Variants in GALC observed in about 807,000 individuals in gnomAD.
GALC encodes the protein galactosylceramidase.
Under a neutral mutation model 91.8 loss-of-function variants are expected in GALC, and 77 were observed. The ratio of observed to expected loss-of-function variants is 0.84; its 90% confidence interval spans 0.70 to 1.01. The LOEUF (loss-of-function observed/expected upper bound fraction) is 1.01. Among genes scored for constraint, GALC ranks in the 50% least tolerant of loss-of-function variants. The probability of loss-of-function intolerance (pLI) is 0.00; values close to 1 mark genes in which losing one functional copy is unlikely to be tolerated. For synonymous variants in GALC, 357 were observed against 306.7 expected, an observed-to-expected ratio of 1.16 and a Z score of -1.71; for missense variants, 882 against 855.9, an observed-to-expected ratio of 1.03 and a Z score of -0.38.
intron 12 of GALC, 46 bp downstream of exon 12, chr14:87,949,799 T>G (rs779283859): frequency 1.1e-6 from 1 of 926,848 alleles, no homozygotes; most frequent in Non-Finnish European, 1.8e-6. Flanking sequence ...CTTTTACTGT[T>G]TTACTGTTGG....
chr14:87,947,439 CAA>C (rs1343482208), intron 13 of GALC, among the ~76,000 whole-genome samples: 4 of 152,074 alleles, frequency 2.6e-5, no homozygotes, highest in African/African-American at 7.2e-5. Context: ...GGGGCAGTAG[CAA>C]AGTTACAAAG....
At chr14:87,955,273 A>C (rs964119130) in intron 10 of GALC, 5 of 749,776 alleles carry the variant, frequency 6.7e-6, no homozygotes, top group African/African-American at 5.3e-5. Context: ...GAAGTAAATA[A>C]ACGATAGGGT....
In GALC at chr14:87,954,671, A is replaced by T; in HGVS notation, c.1162-3923T>A. The T allele has an allele frequency of 3.8e-6, 6 of 1,567,600 alleles. No individual in the cohort carries two copies. The South Asian group carries it at 5.5e-5, about 14-fold the overall frequency. Reference sequence around the variant, plus strand: ...TAAATGTTCAGGAGTGGTTCTAATTAAAGCCCAGATTTCAGAGCTGTCATT... The same window carrying T: ...TAAATGTTCAGGAGTGGTTCTAATTTAAGCCCAGATTTCAGAGCTGTCATT... On this transcript the variant is annotated intron_variant, in intron 10 of 16. Transcript: ENST00000261304.
At chr14:87,986,736 A>G in intron 3 of GALC, 134 bp from the exon 4 acceptor site, 1 of 696,358 alleles carries the variant, frequency 1.4e-6, no homozygotes, top group Non-Finnish European at 2.6e-6. Flanking sequence ...AAGTTGGGGA[A>G]ATCATAATCT....
chr14:87,936,871 T>C (rs1258767532), intron 16 of GALC, among the ~76,000 whole-genome samples: 1 of 131,368 alleles, frequency 7.6e-6, no homozygotes, highest in African/African-American at 2.8e-5. Context: ...ACTTGACTCA[T>C]TAAGTGCTTA....
intron 9 of GALC, among the ~76,000 whole-genome samples, chr14:87,964,876 A>C (rs1885965396): frequency 6.6e-6 from 1 of 152,144 alleles, no homozygotes. Context: ...AGGATCCTTC[A>C]TATCATATGA....
At chr14:87,968,256 A>C in intron 8 of GALC, 79 bp downstream of exon 8, 8 of 1,186,976 alleles carry the variant, frequency 6.7e-6, no homozygotes, top group African/African-American at 1.6e-5. Flanking sequence ...CTGGAAGAAT[A>C]AGGAATTCCA....
At chr14:87,967,971 A>G (rs1886124323) in intron 8 of GALC, among the ~76,000 whole-genome samples, 1 of 152,204 alleles carries the variant, frequency 6.6e-6, no homozygotes, top group African/African-American at 2.4e-5. Flanking sequence ...GATCATGTAA[A>G]AGAATATCCT....
chr14:87,943,727 TTTTTATTCCCTCC>T (rs1170248470), intron 14 of GALC, among the ~76,000 whole-genome samples: 7 of 152,014 alleles, frequency 4.6e-5, no homozygotes, highest in Non-Finnish European at 8.8e-5. Context: ...TATTACCCAA[TTTTTATTCCCTCC>T]TTTTCCCACA....
intron 10 of GALC, chr14:87,953,925 C>G: frequency 1.2e-6 from 2 of 1,610,022 alleles, no homozygotes; most frequent in East Asian, 2.2e-5. Flanking sequence ...AGTAATTGAT[C>G]AATCAGAAAC....
At chr14:87,934,969 G>T in intron 16 of GALC, 91 bp from the exon 17 acceptor site, 1 of 901,162 alleles carries the variant, frequency 1.1e-6, no homozygotes, top group Non-Finnish European at 1.8e-6. Context: ...CTACTTAGTG[G>T]AGCAAATGTA....
intron 16 of GALC, among the ~76,000 whole-genome samples, chr14:87,939,301 T>G (rs1362984743): frequency 6.6e-6 from 1 of 151,378 alleles, no homozygotes; most frequent in Non-Finnish European, 1.5e-5. Flanking sequence ...TACTGCACTC[T>G]AAACAAAATT....
rs1465668080 is a variant in GALC at position 87,950,065 on chromosome 14, T to C, written c.1252-134A>G. 3 of 526,082 alleles carry C rather than the reference T, an allele frequency of 5.7e-6. No individual in the cohort carries two copies. The African/African-American group carries it at 5.9e-5, about 10-fold the overall frequency. The allele number at this position is 526,082 out of a possible 1,614,324, so 32.6% of individuals were successfully genotyped here. A position where few individuals can be genotyped will look rare whatever the true frequency, so the allele number is the denominator to read the frequency against. On this transcript the variant is annotated intron_variant, in intron 11 of 16. Coordinates refer to ENST00000261304, the MANE Select transcript of GALC (RefSeq NM_000153.4). Reference sequence around the variant, plus strand: ...TTATCAAGAGAAACACCTCAAATATTAAATAATAATATTTTTAAAAATAGG... The same window carrying C: ...TTATCAAGAGAAACACCTCAAATATCAAATAATAATATTTTTAAAAATAGG...
intron 7 of GALC, among the ~76,000 whole-genome samples, chr14:87,971,406 G>A (rs368370380): frequency 1.3e-5 from 2 of 152,250 alleles, no homozygotes; most frequent in Admixed American, 6.5e-5. Context: ...TTCATTAGGA[G>A]ATCAAACCCA....
At chr14:87,988,361 A>C in intron 2 of GALC, 94 bp downstream of exon 2, 1 of 1,282,622 alleles carries the variant, frequency 7.8e-7, no homozygotes, top group Non-Finnish European at 1.1e-6. Flanking sequence ...TTTTTCAAAA[A>C]CTAGAATTGT....
At chr14:87,986,825 T>C in intron 3 of GALC, 1 of 559,876 alleles carries the variant, frequency 1.8e-6, no homozygotes, top group South Asian at 2.0e-5. Context: ...AAAGTCTTAA[T>C]AAAACCACAA....
chr14:87,967,953 G>A (rs569100926), intron 8 of GALC, among the ~76,000 whole-genome samples: 1 of 152,262 alleles, frequency 6.6e-6, no homozygotes, highest in Admixed American at 6.5e-5. Flanking sequence ...ATGAAAACAT[G>A]ATACTGTGAT....
chr14:87,992,768 T>G lies in GALC; in HGVS notation c.195+202A>C, dbSNP rs1887261319. ...TCATTTGTTCAAACCTAACTGCCTG[T>G]CTGGTTCGTGTTAAACGAGAAAGCA... On this transcript the variant is annotated intron_variant, in intron 1 of 16. Transcript: ENST00000261304. 1.3e-5 allele frequency: 18 copies of G among 1,416,710 alleles called. 1 individual carries two copies. In the South Asian group the frequency reaches 1.7e-4, roughly 13 times the overall value. The allele number at this position is 1,416,710 out of a possible 1,614,324, so 87.8% of individuals were successfully genotyped here. A position where few individuals can be genotyped will look rare whatever the true frequency, so the allele number is the denominator to read the frequency against.
At chr14:87,950,860 AC>A in intron 10 of GALC, 112 bp from the exon 11 acceptor site, 1 of 659,426 alleles carries the variant, frequency 1.5e-6, no homozygotes, top group South Asian at 1.7e-5. Context: ...ATACTAGATA[AC>A]AAATATGAGT....
Sources: allele counts gnomAD v4.1 joint callset (sites outside exome capture counted in the v4.1 genomes callset), GRCh38; gene constraint gnomAD v4.1.1; transcripts MANE v1.5; gene names NCBI Gene and HGNC (gene_info 2026-07-23, HGNC 2026-07-21).